FLCN: variants seen among roughly 807,000 people sequenced by gnomAD.
The protein encoded by FLCN is folliculin.
FLCN carries 22 observed loss-of-function variants against 62.5 expected under a neutral mutation model. The observed-to-expected ratio is 0.35, with a 90% CI of 0.25 to 0.50. The LOEUF (loss-of-function observed/expected upper bound fraction) is 0.50. Ranked by LOEUF, FLCN falls within the 20% of genes least tolerant of loss-of-function variation. The pLI, the probability that FLCN is intolerant of heterozygous loss-of-function variation, is 0.97. For synonymous variants in FLCN, 319 were observed against 310.0 expected, an observed-to-expected ratio of 1.03 and a Z score of -0.30; for missense variants, 657 against 778.0, an observed-to-expected ratio of 0.84 and a Z score of 1.85.
intron 9 of FLCN, among the ~76,000 whole-genome samples, 153 bp downstream of exon 9, chr17:17,218,866 G>A (rs1357074104): frequency 1.3e-5 from 2 of 152,100 alleles, no homozygotes; most frequent in South Asian, 2.1e-4. Context: ...TACCCCCAAC[G>A]CCCTGTGCCC....
intron 5 of FLCN, chr17:17,225,346 G>A (rs1443160002): frequency 2.0e-5 from 3 of 152,932 alleles, no homozygotes; most frequent in African/African-American, 7.2e-5. Context: ...TAGTGCTTTG[G>A]GAGGATGAGC....
At chr17:17,215,525 A>G (rs879700825) in intron 11 of FLCN, among the ~76,000 whole-genome samples, 1 of 152,248 alleles carries the variant, frequency 6.6e-6, no homozygotes. Context: ...AGTTAAACTA[A>G]TAATTTATTA....
Position 17,216,385 on chromosome 17 carries a change from G to A in FLCN, c.1295C>T (p.Ser432Phe). Residue 432 changes from serine to phenylalanine, a missense_variant, in exon 11 of 14, where the codon TCC (serine) becomes TTC (phenylalanine). Transcript: ENST00000285071. This position sits in a 1 kb window ranked among gnomAD's most constrained non-coding sequence, Gnocchi z 4.0. ...PHVQIPPHVLSSEFAVIVEVH... is the reference protein window; with the variant it reads ...PHVQIPPHVLFSEFAVIVEVH... ...CAGCCCGCGGGGGCACGCACCTGAG[G>A]AGAGCACGTGGGGGGGGATCTGCAC... is the stretch of plus-strand genomic sequence containing the variant. 1 of 1,613,522 alleles carries A rather than the reference G, an allele frequency of 6.2e-7. No individual in the cohort carries two copies. The highest frequency in any genetic ancestry group is 8.5e-7 in the Non-Finnish European group (1 of 1,179,710).
chr17:17,215,680 T>C (rs1029935778), intron 11 of FLCN, among the ~76,000 whole-genome samples: 4 of 152,114 alleles, frequency 2.6e-5, no homozygotes, highest in Admixed American at 6.5e-5. Context: ...GTGGTAAGAA[T>C]TTGAAGTCTG....
chr17:17,217,325 C>T (rs890971741), intron 9 of FLCN, 143 bp from the exon 10 acceptor site: 15 of 710,386 alleles, frequency 2.1e-5, no homozygotes, highest in Non-Finnish European at 3.3e-5. Context: ...CTCAGGGAGG[C>T]GGGTGCCCGG....
chr17:17,217,222 A>C, intron 9 of FLCN, 40 bp from the exon 10 acceptor site: 2 of 1,384,650 alleles, frequency 1.4e-6, no homozygotes, highest in Non-Finnish European at 1.0e-6. Context: ...TGACTAGTAG[A>C]AATGGTTTTT....
At chr17:17,226,376 T>G in intron 4 of FLCN, 54 bp from the exon 5 acceptor site, 1 of 1,608,892 alleles carries the variant, frequency 6.2e-7, no homozygotes, top group South Asian at 1.1e-5. Context: ...GGCGACAAAC[T>G]CTCTTAGGTT....
intron 9 of FLCN, chr17:17,217,538 G>A (rs1567811212): frequency 2.8e-6 from 1 of 361,148 alleles, no homozygotes; most frequent in Non-Finnish European, 5.4e-6. Flanking sequence ...CCCTCGACAT[G>A]GCAGCACCCA....
rs199786696 is a variant in FLCN at position 17,215,253 on chromosome 17, T to C, written c.1364A>G (p.Glu455Gly). The C allele has an allele frequency of 2.3e-5, 37 of 1,614,062 alleles. No homozygotes were observed. The African/African-American group carries it at 4.9e-4, about 22-fold the overall frequency. Reference sequence around the variant, plus strand: ...GTACTTGCTGAGAGACTGGTCATCCTCACACCCCACAGGGTGGAGGGTGGA... The same window carrying C: ...GTACTTGCTGAGAGACTGGTCATCCCCACACCCCACAGGGTGGAGGGTGGA... ...ARSTLHPVGC[E>G]DDQSLSKYEF... Residue 455 changes from glutamate (E) to glycine (G), a missense_variant, in exon 12 of 14, where the codon GAG becomes GGG. Physicochemically the swap from Glu to Gly is moderately conservative, Grantham distance 98. Coordinates refer to ENST00000285071, the MANE Select transcript of FLCN (RefSeq NM_144997.7).
Position 17,226,279 on chromosome 17 carries a change from T to C in FLCN, c.293A>G (p.His98Arg), listed in dbSNP as rs2047246681. The change falls in exon 5 of 14, where the codon CAT becomes CGT. Residue 98 changes from histidine (H) to arginine (R), a missense_variant. Physicochemically the swap from His to Arg is conservative, Grantham distance 29. Transcript: ENST00000285071. ...LAAGHPGYIS[H>R]DKETSIKYVS... ...GTATTTAATGGAGGTCTCTTTATCA[T>C]GGCTGATATATCCCGGGTGCCCTGC... 1 of 1,614,160 alleles carries C rather than the reference T, an allele frequency of 6.2e-7. No homozygotes were observed. Among genetic ancestry groups the C allele is most frequent in the Non-Finnish European group, 8.5e-7 (1 of 1,180,032 alleles).
In FLCN at chr17:17,212,821, T is replaced by C; in HGVS notation, c.*834A>G. On this transcript the variant is annotated 3_prime_UTR_variant, in exon 14 of 14. Transcript: ENST00000285071. ...AGTACAGTGGGATGATGAAATTGTC[T>C]TCAATCACCACACTCCGAAAATAGT... 4.5e-6 allele frequency: 1 copy of C among 224,480 alleles called. No homozygotes were observed. The highest frequency in any genetic ancestry group is 8.9e-6 in the Non-Finnish European group (1 of 112,710). The allele number at this position is 224,480 out of a possible 1,614,324, so 13.9% of individuals were successfully genotyped here. A position where few individuals can be genotyped will look rare whatever the true frequency, so the allele number is the denominator to read the frequency against.
intron 3 of FLCN, chr17:17,228,448 T>A: frequency 2.4e-6 from 1 of 413,028 alleles, no homozygotes; most frequent in East Asian, 4.4e-5. Flanking sequence ...CCAACGGCGC[T>A]GGAAAGGAAT....
chr17:17,216,606 C>A lies in FLCN; in HGVS notation c.1177-103G>T, dbSNP rs2046932833. On this transcript the variant is annotated intron_variant, in intron 10 of 13. Coordinates refer to ENST00000285071, the MANE Select transcript of FLCN (RefSeq NM_144997.7). The surrounding 1 kb of genome is among the most constrained non-coding windows in gnomAD (Gnocchi z 4.0). ...CCCCACACGCCTCCTGCAGCCCGGT[C>A]CAAGCCCTCCCTCCTGCCAGAGGAG... The A allele has an allele frequency of 1.3e-6, 2 of 1,544,694 alleles. No homozygotes were observed. The highest frequency in any genetic ancestry group is 1.7e-6 in the Non-Finnish European group (2 of 1,145,266).
intron 1 of FLCN, among the ~76,000 whole-genome samples, chr17:17,235,028 C>T (rs947614903): frequency 1.3e-5 from 2 of 149,196 alleles, no homozygotes; most frequent in African/African-American, 2.5e-5. Flanking sequence ...AGGAGAATGG[C>T]GTGAACCCAG....
chr17:17,228,091 G>A lies in FLCN; in HGVS notation c.47C>T (p.Pro16Leu), dbSNP rs1597618496. 6.2e-7 allele frequency: 1 copy of A among 1,613,508 alleles called. No individual in the cohort carries two copies. Among genetic ancestry groups the A allele is most frequent in the Non-Finnish European group, 8.5e-7 (1 of 1,180,040 alleles). Residue 16 changes from proline (P) to leucine (L), a missense_variant, in exon 4 of 14, where the codon CCC becomes CTC. Pro to Leu is a moderately conservative substitution (Grantham distance 98). Coordinates refer to ENST00000285071, the MANE Select transcript of FLCN (RefSeq NM_144997.7). ...CACCTCCGTGCAGAAGAGAGTGCGGGGGCCGTGGAGCTCGCAGAAGTGGCA... is the reference window on the plus strand; with the variant it reads ...CACCTCCGTGCAGAAGAGAGTGCGGAGGCCGTGGAGCTCGCAGAAGTGGCA... ...ALCHFCELHG[P>L]RTLFCTEVLH...
At chr17:17,226,057 T>C (rs1567822382) in intron 5 of FLCN, 119 bp downstream of exon 5, 1 of 1,417,874 alleles carries the variant, frequency 7.1e-7, no homozygotes, top group Non-Finnish European at 9.8e-7. Context: ...GATCTGCGGG[T>C]CCGCCCTGAG....
intron 9 of FLCN, chr17:17,217,698 C>T: frequency 4.5e-6 from 1 of 222,766 alleles, no homozygotes; most frequent in South Asian, 6.5e-5. Flanking sequence ...ACTACAGGAC[C>T]CATCATGGCT....
At chr17:17,227,855 G>A (rs2145036967) in intron 4 of FLCN, 34 bp downstream of exon 4, 1 of 1,613,896 alleles carries the variant, frequency 6.2e-7, no homozygotes, top group Non-Finnish European at 8.5e-7. Context: ...ACCTACTGCA[G>A]GGATCACAAA....
At chr17:17,230,131 A>G (rs925672610) in intron 3 of FLCN, among the ~76,000 whole-genome samples, 1 of 152,206 alleles carries the variant, frequency 6.6e-6, no homozygotes, top group African/African-American at 2.4e-5. Context: ...CAACAGCCTG[A>G]CATGTGACAC....
Sources: allele counts gnomAD v4.1 joint callset (sites outside exome capture counted in the v4.1 genomes callset), GRCh38; gene constraint gnomAD v4.1.1; non-coding constraint Gnocchi (gnomAD v3.1); transcripts MANE v1.5; gene names NCBI Gene and HGNC (gene_info 2026-07-23, HGNC 2026-07-21).